The following EML1 variants were observed in gnomAD, a reference collection of about 807,000 sequenced individuals.
EML1 encodes echinoderm microtubule-associated protein-like 1.
In EML1, 27 loss-of-function variants were observed where a neutral mutation model predicts 110.4. That is an observed-to-expected ratio of 0.24 (90% CI 0.18 to 0.34). EML1 has a LOEUF of 0.34. Among genes scored for constraint, EML1 ranks in the 10% least tolerant of loss-of-function variants. EML1 has a pLI of 1.00. For missense variants in EML1, 741 were observed against 1,030.9 expected (o/e 0.72, Z 3.85); for synonymous variants, 344 against 385.8 (o/e 0.89, Z 1.27).
At chr14:99,760,083 C>CAAAAAAAAAAAAAAAAAAAAAAAAA in intron 1 of EML1, among the ~76,000 whole-genome samples, 1 of 47,132 alleles carries the variant, frequency 2.1e-5, no homozygotes, top group Non-Finnish European at 3.5e-5. Context: ...GACTCCCTCT[C>CAAAAAAAAAAAAAAAAAAAAAAAAA]AAAAAAAAAA....
intron 10 of EML1, 71 bp from the exon 11 acceptor site, chr14:99,909,274 A>T (rs1394606097): frequency 5.6e-6 from 9 of 1,604,978 alleles, no homozygotes; most frequent in Non-Finnish European, 7.7e-6. Flanking sequence ...CTCACATTTT[A>T]CTTGTTTTCC....
intron 1 of EML1, among the ~76,000 whole-genome samples, chr14:99,831,692 CT>C (rs567218181): frequency 1.1e-3 from 161 of 152,050 alleles, no homozygotes; most frequent in African/African-American, 3.3e-3. Flanking sequence ...TTCAATACAT[CT>C]TTTTTTTCTT....
At chr14:99,818,749 G>A (rs184503869) in intron 1 of EML1, among the ~76,000 whole-genome samples, 168 of 152,220 alleles carry the variant, frequency 1.1e-3, no homozygotes, top group African/African-American at 3.9e-3. Context: ...GAAGGAGAGT[G>A]TGGACTTGCC....
chr14:99,746,825 C>T (rs538705774), intron 1 of EML1, among the ~76,000 whole-genome samples: 2 of 152,252 alleles, frequency 1.3e-5, no homozygotes, highest in African/African-American at 2.4e-5. Context: ...CCCCACCCCT[C>T]GAGCAGGGCT....
At chr14:99,869,016 C>T (rs1332469894) in intron 3 of EML1, among the ~76,000 whole-genome samples, 3 of 152,060 alleles carry the variant, frequency 2.0e-5, no homozygotes, top group East Asian at 1.9e-4. Context: ...CATATGTCTC[C>T]GGATATTTTT....
intron 3 of EML1, among the ~76,000 whole-genome samples, chr14:99,870,110 G>A (rs1442758727): frequency 6.6e-6 from 1 of 152,180 alleles, no homozygotes; most frequent in Non-Finnish European, 1.5e-5. Context: ...GAAATTCGAA[G>A]TGCTACTCCA....
At chr14:99,738,860 C>T (rs1018457924) in intron 1 of EML1, among the ~76,000 whole-genome samples, 2 of 152,152 alleles carry the variant, frequency 1.3e-5, no homozygotes, top group Non-Finnish European at 2.9e-5. Context: ...GGGCCTCCTT[C>T]GTAAGCCACC....
intron 17 of EML1, among the ~76,000 whole-genome samples, chr14:99,932,667 A>G (rs985971727): frequency 8.7e-5 from 13 of 149,052 alleles, no homozygotes; most frequent in Non-Finnish European, 1.2e-4. Flanking sequence ...AAAAAAAGAT[A>G]TGGCGATGGT....
intron 1 of EML1, chr14:99,850,141 G>A: frequency 2.6e-6 from 1 of 378,466 alleles, no homozygotes; most frequent in South Asian, 2.3e-5. Flanking sequence ...GTTTTGTCAT[G>A]TTGCCTAGGC....
At chr14:99,759,887 G>A (rs547134603) in intron 1 of EML1, among the ~76,000 whole-genome samples, 1 of 152,134 alleles carries the variant, frequency 6.6e-6, no homozygotes, top group South Asian at 2.1e-4. Context: ...GCCGAGGTGG[G>A]TGGGTCACCT....
At chr14:99,759,765 G>A (rs950648144) in intron 1 of EML1, among the ~76,000 whole-genome samples, 7 of 152,298 alleles carry the variant, frequency 4.6e-5, no homozygotes, top group Admixed American at 3.3e-4. Flanking sequence ...ACCCTCAGCA[G>A]CAGCAGGGCC....
chr14:99,933,436 A>G (rs2060409898), intron 17 of EML1, among the ~76,000 whole-genome samples: 1 of 152,206 alleles, frequency 6.6e-6, no homozygotes, highest in African/African-American at 2.4e-5. Context: ...TCAGCCTTCC[A>G]AAGTGCTGGG....
chr14:99,918,556 A>G (rs1305704916), intron 16 of EML1, among the ~76,000 whole-genome samples: 1 of 152,184 alleles, frequency 6.6e-6, no homozygotes, highest in Non-Finnish European at 1.5e-5. Context: ...AGTGGCTCAC[A>G]CTTGTAATCC....
At chr14:99,831,049 A>T (rs2058441643) in intron 1 of EML1, among the ~76,000 whole-genome samples, 2 of 152,190 alleles carry the variant, frequency 1.3e-5, no homozygotes, top group South Asian at 2.1e-4. Context: ...GCCTCTCTAA[A>T]TTCCAAATTT....
At chr14:99,833,002 A>G (rs1272599142) in intron 1 of EML1, among the ~76,000 whole-genome samples, 1 of 152,220 alleles carries the variant, frequency 6.6e-6, no homozygotes, top group East Asian at 1.9e-4. Flanking sequence ...ACACCCAGGT[A>G]GTGAGCATAG....
At chr14:99,937,509 G>C (rs1013377377) in intron 19 of EML1, among the ~76,000 whole-genome samples, 1 of 152,196 alleles carries the variant, frequency 6.6e-6, no homozygotes, top group Non-Finnish European at 1.5e-5. Context: ...GGGCTCGGGT[G>C]GGGGTGGGCA....
intron 3 of EML1, among the ~76,000 whole-genome samples, chr14:99,871,414 G>A (rs141508457): frequency 0.012 from 1,865 of 152,152 alleles, 83 homozygotes; most frequent in South Asian, 0.082. Context: ...TTGGGAAGTC[G>A]AGGCAGGAGG....
Position 99,827,075 on chromosome 14 carries a change from C to G in EML1, c.68-23778C>G, listed in dbSNP as rs924440316. 6.6e-6 allele frequency among the ~76,000 whole-genome samples: 1 copy of G among 152,188 alleles called. No homozygotes were observed. Among genetic ancestry groups the G allele is most frequent in the Non-Finnish European group, 1.5e-5 (1 of 68,034 alleles). ...GCAGTCCCAGGGAGCCAGTCACTGA[C>G]TGTAAATACGCTGGGGGGTATTTAC... On this transcript the variant is annotated intron_variant, in intron 1 of 21. Transcript: ENST00000262233. The surrounding 1 kb of genome is among the most constrained non-coding windows in gnomAD (Gnocchi z 4.4).
intron 1 of EML1, among the ~76,000 whole-genome samples, chr14:99,800,195 A>G (rs984640447): frequency 6.6e-6 from 1 of 152,146 alleles, no homozygotes; most frequent in African/African-American, 2.4e-5. Context: ...CATAGATTTC[A>G]TTTCTGCTGA....
Sources: gnomAD v4.1 joint callset for allele counts (sites outside exome capture counted in the v4.1 genomes callset) on GRCh38, gnomAD v4.1.1 for gene constraint, Gnocchi (gnomAD v3.1) non-coding constraint, MANE v1.5 for transcripts, NCBI Gene and HGNC (gene_info 2026-07-23, HGNC 2026-07-21) for gene names.